TSNAX: variants seen among roughly 807,000 people sequenced by gnomAD.
The protein encoded by TSNAX is translin-associated protein X.
A neutral mutation model predicts 33.0 loss-of-function variants in TSNAX; 12 were observed. The observed-to-expected ratio is 0.36, with a 90% CI of 0.23 to 0.59. The LOEUF (loss-of-function observed/expected upper bound fraction) is 0.59. Ranked by LOEUF, TSNAX falls within the 20% of genes least tolerant of loss-of-function variation. The pLI is 0.74. For missense variants in TSNAX, 267 were observed against 341.3 expected (o/e 0.78, Z 1.72); for synonymous variants, 110 against 117.2 (o/e 0.94, Z 0.40).
chr1:231,561,316 T>C, intron 5 of TSNAX, 61 bp downstream of exon 5: 1 of 1,295,324 alleles, frequency 7.7e-7, no homozygotes, highest in East Asian at 2.5e-5. Flanking sequence ...ATGACGATTC[T>C]AGTAGATTTA....
intron 4 of TSNAX, among the ~76,000 whole-genome samples, chr1:231,544,075 A>G (rs1288875889): frequency 6.6e-6 from 1 of 152,170 alleles, no homozygotes; most frequent in Admixed American, 6.5e-5. Flanking sequence ...GCAGGAAAAT[A>G]TTTCAGACAG....
At position 231,565,050 on chromosome 1, in the gene TSNAX, G is replaced by T. The variant is rs761315106; in HGVS notation, c.*145G>T. ...ACTTGTTTTAAATTGTATACAAGCTGTACATAAAATTAGCCAAATGAATCA... is the reference window on the plus strand; with the variant it reads ...ACTTGTTTTAAATTGTATACAAGCTTTACATAAAATTAGCCAAATGAATCA... On this transcript the variant is annotated 3_prime_UTR_variant, in exon 6 of 6. Transcript: ENST00000366639. 17 of 1,038,474 alleles carry T rather than the reference G, an allele frequency of 1.6e-5. No homozygotes were observed. The highest frequency in any genetic ancestry group is 2.3e-5 in the Non-Finnish European group (17 of 742,394). 64.3% of individuals were successfully genotyped at this position (1,038,474 alleles called of 1,614,324 possible).
At chr1:231,545,410 A>G (rs903855464) in intron 4 of TSNAX, among the ~76,000 whole-genome samples, 9 of 152,198 alleles carry the variant, frequency 5.9e-5, no homozygotes, top group African/African-American at 2.2e-4. Flanking sequence ...CTAATAATTG[A>G]ACAACAACAA....
chr1:231,541,447 G>A (rs888783023), intron 3 of TSNAX, among the ~76,000 whole-genome samples: 16 of 152,132 alleles, frequency 1.1e-4, no homozygotes. Flanking sequence ...TTCGCGTATG[G>A]TATAAAAATC....
At chr1:231,553,301 AAAT>A (rs1210757274) in intron 4 of TSNAX, among the ~76,000 whole-genome samples, 1 of 152,240 alleles carries the variant, frequency 6.6e-6, no homozygotes, top group African/African-American at 2.4e-5. Flanking sequence ...GAATATGTAA[AAAT>A]AATCAGAAGC....
chr1:231,552,489 G>C (rs1319513060), intron 4 of TSNAX, among the ~76,000 whole-genome samples: 1 of 152,148 alleles, frequency 6.6e-6, no homozygotes, highest in Non-Finnish European at 1.5e-5. Flanking sequence ...ATATAAATCT[G>C]ATTTCATTTT....
chr1:231,531,800 T>G (rs1658736406), intron 2 of TSNAX, among the ~76,000 whole-genome samples: 1 of 152,108 alleles, frequency 6.6e-6, no homozygotes, highest in South Asian at 2.1e-4. Context: ...AAGGCGTTAT[T>G]AAGAGAGTTA....
chr1:231,540,945 A>G (rs562328747), intron 3 of TSNAX, among the ~76,000 whole-genome samples: 13 of 152,250 alleles, frequency 8.5e-5, no homozygotes, highest in Admixed American at 3.3e-4. Context: ...TTTGATTGTT[A>G]TTAGAACGTA....
chr1:231,531,599 T>C (rs1264728532), intron 2 of TSNAX, among the ~76,000 whole-genome samples: 1 of 152,220 alleles, frequency 6.6e-6, no homozygotes, highest in Non-Finnish European at 1.5e-5. Flanking sequence ...TGAATACATA[T>C]TGATTATCTT....
chr1:231,556,790 G>A (rs1660725368), intron 4 of TSNAX, among the ~76,000 whole-genome samples: 1 of 152,166 alleles, frequency 6.6e-6, no homozygotes, highest in Non-Finnish European at 1.5e-5. Flanking sequence ...CATGCATACA[G>A]ATATATGTTT....
chr1:231,539,615 A>G (rs1337181421), intron 3 of TSNAX, among the ~76,000 whole-genome samples: 1 of 152,232 alleles, frequency 6.6e-6, no homozygotes, highest in Non-Finnish European at 1.5e-5. Context: ...AATGCTCATT[A>G]TAGTAAACTT....
rs1355055944 is a variant in TSNAX, at chr1:231,564,885, C to G, written c.853C>G (p.Gln285Glu). 1 of 1,613,530 alleles carries G rather than the reference C, an allele frequency of 6.2e-7. No individual in the cohort carries two copies. Among genetic ancestry groups the G allele is most frequent in the Non-Finnish European group, 8.5e-7 (1 of 1,179,702 alleles). Residue 285 changes from glutamine to glutamate, a missense_variant, in exon 6 of 6, where the codon CAA (glutamine) becomes GAA (glutamate). Physicochemically the swap from Gln to Glu is conservative, Grantham distance 29. Around this residue, in one of 2 missense-constraint regions of TSNAX, gnomAD observed 67 missense variants for 127.2 expected, o/e 0.53. Coordinates refer to ENST00000366639, the MANE Select transcript of TSNAX (RefSeq NM_005999.3). ...TTCAGTTAAAACAGAAATGATAGAT[C>G]AAGAAGAGGGCATTTCTTAGAATCT... The part of the protein sequence containing the change: ...VFSVKTEMID[Q>E]EEGIS
intron 4 of TSNAX, among the ~76,000 whole-genome samples, chr1:231,549,831 ATATTAGTTTAC>A (rs1221292291): frequency 2.6e-5 from 4 of 152,194 alleles, no homozygotes; most frequent in African/African-American, 9.6e-5. Context: ...CCAAGATACT[ATATTAGTTTAC>A]TAGGCCTGTC....
intron 4 of TSNAX, among the ~76,000 whole-genome samples, chr1:231,545,109 A>G (rs1659818080): frequency 6.6e-6 from 1 of 152,222 alleles, no homozygotes; most frequent in Non-Finnish European, 1.5e-5. Flanking sequence ...CAGTCAAGTA[A>G]AGAGGTGTCT....
At chr1:231,559,053 G>T (rs550368288) in intron 4 of TSNAX, among the ~76,000 whole-genome samples, 13 of 152,300 alleles carry the variant, frequency 8.5e-5, no homozygotes, top group African/African-American at 1.9e-4. Flanking sequence ...CAACACTGTT[G>T]CTGCCATACC....
intron 4 of TSNAX, among the ~76,000 whole-genome samples, chr1:231,560,684 C>T (rs1055645312): frequency 4.6e-5 from 7 of 152,098 alleles, no homozygotes; most frequent in African/African-American, 1.7e-4. Context: ...TCCCAAAGTG[C>T]TGGGATTACA....
chr1:231,562,200 CTAAATAT>C (rs1390425903), intron 5 of TSNAX, among the ~76,000 whole-genome samples: 1 of 147,398 alleles, frequency 6.8e-6, no homozygotes, highest in Non-Finnish European at 1.5e-5. Context: ...ATTTAATTTA[CTAAATAT>C]TAAATATTTA....
chr1:231,547,823 A>C (rs998635398), intron 4 of TSNAX, among the ~76,000 whole-genome samples: 38 of 151,230 alleles, frequency 2.5e-4, no homozygotes, highest in African/African-American at 9.2e-4. Flanking sequence ...AATCCAAGGA[A>C]CAAAAAACCA....
At chr1:231,543,144 C>T (rs929838416) in intron 4 of TSNAX, among the ~76,000 whole-genome samples, 1 of 151,474 alleles carries the variant, frequency 6.6e-6, no homozygotes, top group Non-Finnish European at 1.5e-5. Flanking sequence ...CACCACTGCA[C>T]TCCAGCCTGG....
Sources: allele counts gnomAD v4.1 joint callset (sites outside exome capture counted in the v4.1 genomes callset), GRCh38; gene constraint gnomAD v4.1.1; regional missense constraint gnomAD v4.1.1; transcripts MANE v1.5; gene names NCBI Gene and HGNC (gene_info 2026-07-23, HGNC 2026-07-21).